NPNT: variants seen among roughly 807,000 people sequenced by gnomAD.
The protein encoded by NPNT is preosteoblast EGF-like repeat protein with MAM domain.
In NPNT, 45 loss-of-function variants were observed where a neutral mutation model predicts 68.6. The observed-to-expected ratio is 0.66, with a 90% CI of 0.52 to 0.84. The LOEUF is 0.84. Ranked by LOEUF, NPNT falls within the 40% of genes least tolerant of loss-of-function variation. The pLI is 0.00. For synonymous variants in NPNT, 233 were observed against 253.3 expected (o/e 0.92, Z 0.76); for missense variants, 672 against 714.8 (o/e 0.94, Z 0.68).
chr4:105,942,705 A>T lies in NPNT; in HGVS notation c.1159+3A>T. The stretch of plus-strand genomic sequence containing the variant: ...GAAACCCAGAGGAGATGTGTTCAGT[A>T]AGTCTAATAAATGTTAGCACATTTT... On this transcript the variant is annotated splice_donor_region_variant and intron_variant, in intron 8 of 11. Coordinates refer to ENST00000379987, the MANE Select transcript of NPNT (RefSeq NM_001033047.3). 1 of 1,594,322 alleles carries T rather than the reference A, an allele frequency of 6.3e-7. No individual in the cohort carries two copies. The highest frequency in any genetic ancestry group is 8.5e-7 in the Non-Finnish European group (1 of 1,169,930).
intron 8 of NPNT, among the ~76,000 whole-genome samples, chr4:105,944,752 C>T (rs1340665534): frequency 6.6e-6 from 1 of 152,250 alleles, no homozygotes; most frequent in Admixed American, 6.5e-5. Context: ...AAATTCCACT[C>T]TCATTTCATC....
chr4:105,959,054 G>T lies in NPNT; in HGVS notation c.1273G>T (p.Asp425Tyr). Residue 425 changes from aspartate to tyrosine, a missense_variant, in exon 10 of 12, where the codon GAC (aspartate) becomes TAC (tyrosine). Transcript: ENST00000379987. ...PGVLVHSCNFDHGLCGWIREK... is the reference protein window; with the variant it reads ...PGVLVHSCNFYHGLCGWIREK... ...TGTTCTGGTACACAGTTGTAATTTT[G>T]ACCATGGACTTTGTGGATGGATCAG... 1.2e-6 allele frequency: 2 copies of T among 1,612,436 alleles called. No homozygotes were observed. The highest frequency in any genetic ancestry group is 2.2e-5 in the South Asian group (2 of 90,998).
At chr4:105,919,363 A>G (rs1728062643) in intron 2 of NPNT, among the ~76,000 whole-genome samples, 1 of 152,148 alleles carries the variant, frequency 6.6e-6, no homozygotes, top group Non-Finnish European at 1.5e-5. Context: ...TCCAGAGAGC[A>G]AGGACATTTA....
rs1419498259 is a variant in NPNT, at chr4:105,928,449, A to T, written c.265+1021A>T. 2.6e-5 allele frequency among the ~76,000 whole-genome samples: 4 copies of T among 152,002 alleles called. No individual in the cohort carries two copies. The East Asian group carries it at 7.7e-4, about 29-fold the overall frequency. On this transcript the variant is annotated intron_variant, in intron 3 of 11. Coordinates refer to ENST00000379987, the MANE Select transcript of NPNT (RefSeq NM_001033047.3). ...ACCAACATGGAGAAACCCCATCTCTACTAAAAATACGAAATTAGCTGCGTG... is the reference window on the plus strand; with the variant it reads ...ACCAACATGGAGAAACCCCATCTCTTCTAAAAATACGAAATTAGCTGCGTG...
intron 1 of NPNT, among the ~76,000 whole-genome samples, chr4:105,896,586 C>T (rs1725871144): frequency 6.6e-6 from 1 of 152,220 alleles, no homozygotes; most frequent in African/African-American, 2.4e-5. Flanking sequence ...CTGGCGCACA[C>T]CGTCGCCCGG....
rs561386846 is a variant in NPNT, at chr4:105,903,022, C to T, written c.172+5021C>T. On this transcript the variant is annotated intron_variant, in intron 2 of 11. Transcript: ENST00000379987. ...CAGGCCAACTAAAGGGAAGCACTCT[C>T]CTCTCTGCCAGTTCAGCAACTAGAT... 7.2e-5 allele frequency among the ~76,000 whole-genome samples: 11 copies of T among 152,260 alleles called. No individual in the cohort carries two copies. In the South Asian group the frequency reaches 2.3e-3, roughly 32 times the overall value.
chr4:105,910,734 C>T (rs1291493616), intron 2 of NPNT, among the ~76,000 whole-genome samples: 2 of 151,930 alleles, frequency 1.3e-5, no homozygotes, highest in African/African-American at 2.4e-5. Context: ...ATCTTGAAGT[C>T]GGGTATATAT....
At chr4:105,964,771 TTTTG>T (rs1340241657) in intron 10 of NPNT, among the ~76,000 whole-genome samples, 7 of 152,168 alleles carry the variant, frequency 4.6e-5, no homozygotes, top group Non-Finnish European at 7.4e-5. Flanking sequence ...TTAAAAACAT[TTTTG>T]TTTGTCTATT....
Position 105,937,123 on chromosome 4 carries a change from G to T in NPNT, c.380G>T (p.Cys127Phe). The T allele has an allele frequency of 6.2e-7, 1 of 1,613,202 alleles. No homozygotes were observed. Among genetic ancestry groups the T allele is most frequent in the Non-Finnish European group, 8.5e-7 (1 of 1,179,544 alleles). Residue 127 changes from cysteine to phenylalanine, a missense_variant, in exon 4 of 12, where the codon TGC becomes TTC. Transcript: ENST00000379987. ...TATATGCTCATGCCGGATGGTTCCT[G>T]CTCAAGTATGTCAAGAATCTTAACT... ...NGYMLMPDGS[C>F]SSALTCSMAN...
Position 105,955,973 on chromosome 4 carries a change from A to G in NPNT, c.1160-2498A>G, listed in dbSNP as rs143575450. 3.9e-5 allele frequency among the ~76,000 whole-genome samples: 6 copies of G among 152,260 alleles called. No individual in the cohort carries two copies. In the East Asian group the frequency reaches 1.2e-3, roughly 29 times the overall value. On this transcript the variant is annotated intron_variant, in intron 8 of 11. Transcript: ENST00000379987. ...GCTTCTGAGCACTTCTGGTCTCTAA[A>G]TTCCTTGGAATGTTTCCCAGTGGAT...
intron 10 of NPNT, among the ~76,000 whole-genome samples, chr4:105,963,027 C>T (rs970482515): frequency 5.9e-5 from 9 of 152,046 alleles, no homozygotes; most frequent in African/African-American, 2.2e-4. Context: ...GAGTTCAAGA[C>T]CAGCCTGGCC....
At chr4:105,921,249 A>G (rs1350647117) in intron 2 of NPNT, among the ~76,000 whole-genome samples, 2 of 152,086 alleles carry the variant, frequency 1.3e-5, no homozygotes, top group African/African-American at 4.8e-5. Context: ...CCACTTCCAA[A>G]TGCACTCAAA....
rs1479890654 is a variant in NPNT, at chr4:105,912,126, AAGTCC to A, written c.172+14128_172+14132del. 11 of 1,169,476 alleles carry A rather than the reference AAGTCC, an allele frequency of 9.4e-6. No individual in the cohort carries two copies. The Admixed American group carries it at 2.2e-4, about 23-fold the overall frequency. The allele number at this position is 1,169,476 out of a possible 1,614,324, so 72.4% of individuals were successfully genotyped here. A position where few individuals can be genotyped will look rare whatever the true frequency, so the allele number is the denominator to read the frequency against. ...GAATGTAACAAGTTGATAAATACCCAAGTCCAGCCTCCTTACAGAGAAAAGATCTG... is the reference window on the plus strand; with the variant it reads ...GAATGTAACAAGTTGATAAATACCCAAGCCTCCTTACAGAGAAAAGATCTG... On this transcript the variant is annotated intron_variant, in intron 2 of 11. Coordinates refer to ENST00000379987, the MANE Select transcript of NPNT (RefSeq NM_001033047.3).
chr4:105,961,689 G>A (rs763530942), intron 10 of NPNT, among the ~76,000 whole-genome samples: 8 of 152,162 alleles, frequency 5.3e-5, no homozygotes, highest in Non-Finnish European at 8.8e-5. Context: ...ATTTGAAATC[G>A]TTATTGGACC....
intron 10 of NPNT, among the ~76,000 whole-genome samples, chr4:105,962,758 G>C (rs1197535817): frequency 6.6e-6 from 1 of 152,082 alleles, no homozygotes; most frequent in Non-Finnish European, 1.5e-5. Flanking sequence ...AGAATATGTT[G>C]AGAGAATTAT....
chr4:105,970,856 A>C lies in NPNT; in HGVS notation c.*1866A>C. On this transcript the variant is annotated 3_prime_UTR_variant, in exon 12 of 12. Coordinates refer to ENST00000379987, the MANE Select transcript of NPNT (RefSeq NM_001033047.3). Reference sequence around the variant, plus strand: ...GCTTAATTTAGGCATTTCCCTCTTGACCTCCTAATGGAGAGGGATTGAAAG... The same window carrying C: ...GCTTAATTTAGGCATTTCCCTCTTGCCCTCCTAATGGAGAGGGATTGAAAG... 1 of 311,546 alleles carries C rather than the reference A, an allele frequency of 3.2e-6. No homozygotes were observed. The highest frequency in any genetic ancestry group is 6.3e-6 in the Non-Finnish European group (1 of 159,370). 19.3% of individuals were successfully genotyped at this position (311,546 alleles called of 1,614,324 possible).
chr4:105,961,894 A>G (rs1731746043), intron 10 of NPNT, among the ~76,000 whole-genome samples: 1 of 152,240 alleles, frequency 6.6e-6, no homozygotes, highest in Non-Finnish European at 1.5e-5. Context: ...AAATCTGGAG[A>G]GGAAAGTGAC....
At chr4:105,912,933 T>C (rs2149333547) in intron 2 of NPNT, among the ~76,000 whole-genome samples, 1 of 152,324 alleles carries the variant, frequency 6.6e-6, no homozygotes, top group East Asian at 1.9e-4. Flanking sequence ...GCTGGTGTGA[T>C]CTTGGCTTAC....
chr4:105,934,356 A>C (rs1729353207), intron 3 of NPNT, among the ~76,000 whole-genome samples: 2 of 152,354 alleles, frequency 1.3e-5, no homozygotes, highest in African/African-American at 4.8e-5. Flanking sequence ...AAAACTGAGG[A>C]CAAAAAGGCT....
Sources: allele counts gnomAD v4.1 joint callset (sites outside exome capture counted in the v4.1 genomes callset), GRCh38; gene constraint gnomAD v4.1.1; transcripts MANE v1.5; gene names NCBI Gene and HGNC (gene_info 2026-07-23, HGNC 2026-07-21).